ZNF609: variants seen among roughly 807,000 people sequenced by gnomAD.
ZNF609 encodes zinc finger protein 609.
A neutral mutation model predicts 109.5 loss-of-function variants in ZNF609; 11 were observed. The observed-to-expected ratio is 0.10, with a 90% CI of 0.06 to 0.17. The LOEUF (loss-of-function observed/expected upper bound fraction) is 0.17, where lower values mean the gene tolerates loss of function less well. Among genes scored for constraint, ZNF609 ranks in the 10% least tolerant of loss-of-function variants. The pLI is 1.00. For missense variants in ZNF609, 1,559 were observed against 1,772.4 expected, an observed-to-expected ratio of 0.88 and a Z score of 2.16; for synonymous variants, 646 against 662.0, an observed-to-expected ratio of 0.98 and a Z score of 0.37.
At chr15:64,610,135 G>T (rs748299504) in intron 2 of ZNF609, among the ~76,000 whole-genome samples, 1 of 152,106 alleles carries the variant, frequency 6.6e-6, no homozygotes, top group East Asian at 1.9e-4. Context: ...CCAGGAGTTC[G>T]AGAGCAGCTT....
intron 2 of ZNF609, among the ~76,000 whole-genome samples, chr15:64,590,519 A>C (rs746913407): frequency 1.2e-3 from 181 of 152,120 alleles, no homozygotes; most frequent in Non-Finnish European, 2.3e-3. Context: ...GGGTTTTGCC[A>C]TGTTAGCCAG....
chr15:64,581,306 T>G (rs903476424), intron 2 of ZNF609, among the ~76,000 whole-genome samples: 6 of 152,120 alleles, frequency 3.9e-5, no homozygotes, highest in Non-Finnish European at 8.8e-5. Context: ...TCCTTGTGCA[T>G]ACATGTGGCT....
intron 1 of ZNF609, chr15:64,471,394 A>G (rs1226463677): frequency 2.6e-5 from 4 of 151,912 alleles, no homozygotes; most frequent in Admixed American, 1.3e-4. Context: ...GGTCTGGAGT[A>G]GAAAAATTTG....
intron 3 of ZNF609, among the ~76,000 whole-genome samples, chr15:64,629,604 T>C (rs1214125146): frequency 1.3e-5 from 2 of 152,212 alleles, no homozygotes; most frequent in East Asian, 3.8e-4. Flanking sequence ...CATCTTAGTC[T>C]GTTACCTTTG....
intron 6 of ZNF609, among the ~76,000 whole-genome samples, chr15:64,679,574 CT>C (rs1896852535): frequency 6.6e-6 from 1 of 152,150 alleles, no homozygotes; most frequent in Admixed American, 6.6e-5. Flanking sequence ...TAGAAATAAG[CT>C]TTTCAAACAG....
In ZNF609 at chr15:64,583,849, A is replaced by G. The variant is rs1895151479; in HGVS notation, c.748-38978A>G. On this transcript the variant is annotated intron_variant, in intron 2 of 9. Coordinates refer to ENST00000326648, the MANE Select transcript of ZNF609 (RefSeq NM_015042.2). ...GTTTTGAACCCTACGCTCTTTTCAG[A>G]GTACCTGATGCCACAAATTGCTGAT... 4.6e-5 allele frequency among the ~76,000 whole-genome samples: 7 copies of G among 152,154 alleles called. No individual in the cohort carries two copies. In the South Asian group the frequency reaches 1.4e-3, roughly 32 times the overall value.
intron 3 of ZNF609, among the ~76,000 whole-genome samples, chr15:64,657,769 A>G (rs904290623): frequency 2.0e-5 from 3 of 152,168 alleles, no homozygotes; most frequent in African/African-American, 7.2e-5. Context: ...GGTTGTGGGG[A>G]TGTGGAGAGG....
chr15:64,674,188 T>C lies in ZNF609; in HGVS notation c.1334T>C (p.Leu445Pro). Residue 445 changes from leucine (L) to proline (P), a missense_variant, in exon 5 of 10, where the codon CTT (leucine) becomes CCT (proline). By Grantham distance (98) the Leu-to-Pro change is moderately conservative. Around this residue, in one of 4 missense-constraint regions of ZNF609, gnomAD observed 1,204 missense variants for 1,314.1 expected, o/e 0.92. Transcript: ENST00000326648. ...SSANKRKNKP[L>P]SDMELNSSSE... ...GCTAATAAGCGGAAAAACAAACCCC[T>C]TTCAGACATGGAGCTGAATTCTAGC... is the stretch of plus-strand genomic sequence containing the variant. The C allele has an allele frequency of 6.2e-7, 1 of 1,614,144 alleles. No homozygotes were observed. Among genetic ancestry groups the C allele is most frequent in the Non-Finnish European group, 8.5e-7 (1 of 1,180,032 alleles).
chr15:64,555,763 T>A (rs1324494822), intron 2 of ZNF609, among the ~76,000 whole-genome samples: 1 of 151,428 alleles, frequency 6.6e-6, no homozygotes, highest in Non-Finnish European at 1.5e-5. Context: ...GTGCCTGTAA[T>A]CCCAGCTACT....
At chr15:64,553,333 G>GGA (rs1894517557) in intron 2 of ZNF609, among the ~76,000 whole-genome samples, 1 of 149,898 alleles carries the variant, frequency 6.7e-6, no homozygotes, top group East Asian at 2.0e-4. Flanking sequence ...CAATAAATAT[G>GGA]GAGAGAATTG....
chr15:64,599,232 A>G (rs1895454603), intron 2 of ZNF609, among the ~76,000 whole-genome samples: 1 of 143,370 alleles, frequency 7.0e-6, no homozygotes, highest in Non-Finnish European at 1.5e-5. Context: ...AAAGTAAAAA[A>G]TTTTAAAAAC....
chr15:64,546,759 C>T (rs149322036), intron 2 of ZNF609, among the ~76,000 whole-genome samples: 35 of 151,546 alleles, frequency 2.3e-4, no homozygotes, highest in African/African-American at 7.7e-4. Flanking sequence ...CAGGCATGAG[C>T]CACAACAACC....
chr15:64,672,006 CTT>C (rs771330218), intron 4 of ZNF609, among the ~76,000 whole-genome samples: 2 of 86,754 alleles, frequency 2.3e-5, no homozygotes, highest in South Asian at 3.9e-4. Flanking sequence ...GAGGCTTAGA[CTT>C]TTTTTTTTTT....
intron 3 of ZNF609, among the ~76,000 whole-genome samples, chr15:64,666,804 C>T (rs1439530265): frequency 1.3e-5 from 2 of 151,774 alleles, no homozygotes; most frequent in African/African-American, 4.8e-5. Flanking sequence ...CATGAGCCAC[C>T]GCACCCGGCT....
intron 3 of ZNF609, among the ~76,000 whole-genome samples, chr15:64,635,135 C>T (rs1006963679): frequency 2.0e-5 from 3 of 152,118 alleles, no homozygotes; most frequent in African/African-American, 7.2e-5. Flanking sequence ...CACACACCTC[C>T]TCCCTCCCCC....
At chr15:64,638,677 C>A (rs1896213431) in intron 3 of ZNF609, among the ~76,000 whole-genome samples, 1 of 151,766 alleles carries the variant, frequency 6.6e-6, no homozygotes, top group African/African-American at 2.4e-5. Context: ...GGACAGATTT[C>A]TTGAGCCCGG....
chr15:64,509,834 C>G (rs1893692357), intron 2 of ZNF609, among the ~76,000 whole-genome samples: 1 of 152,206 alleles, frequency 6.6e-6, no homozygotes, highest in Admixed American at 6.5e-5. Context: ...TTTCTTTCCT[C>G]TCTCTGCTAA....
chr15:64,652,102 C>T (rs1393628687), intron 3 of ZNF609, among the ~76,000 whole-genome samples: 1 of 149,288 alleles, frequency 6.7e-6, no homozygotes, highest in East Asian at 2.0e-4. Context: ...TGCAGTGGTG[C>T]AATCGCAGCT....
chr15:64,576,613 C>T (rs947831813), intron 2 of ZNF609, among the ~76,000 whole-genome samples: 2 of 151,674 alleles, frequency 1.3e-5, no homozygotes, highest in African/African-American at 2.4e-5. Flanking sequence ...AGATGAAATT[C>T]AATAAACAAG....
Sources: allele counts gnomAD v4.1 joint callset (sites outside exome capture counted in the v4.1 genomes callset), GRCh38; gene constraint gnomAD v4.1.1; regional missense constraint gnomAD v4.1.1; transcripts MANE v1.5; gene names NCBI Gene and HGNC (gene_info 2026-07-23, HGNC 2026-07-21).